GALNT14: variants seen among roughly 807,000 people sequenced by gnomAD.
GALNT14 encodes polypeptide N-acetylgalactosaminyltransferase 14.
In GALNT14, 60 loss-of-function variants were observed where a neutral mutation model predicts 77.5. That is an observed-to-expected ratio of 0.77 (90% CI 0.63 to 0.96). The LOEUF (loss-of-function observed/expected upper bound fraction) is 0.96. Ranked by LOEUF, GALNT14 falls within the 40% of genes least tolerant of loss-of-function variation. GALNT14 has a pLI of 0.00. For missense variants in GALNT14, 710 were observed against 731.0 expected, an observed-to-expected ratio of 0.97 and a Z score of 0.33; for synonymous variants, 280 against 281.7, an observed-to-expected ratio of 0.99 and a Z score of 0.06.
At chr2:31,014,210 T>C (rs982829134) in intron 1 of GALNT14, among the ~76,000 whole-genome samples, 3 of 152,120 alleles carry the variant, frequency 2.0e-5, no homozygotes, top group Admixed American at 6.5e-5. Context: ...TAAATGTCAA[T>C]TAAGAGGAGA....
At position 30,924,309 on chromosome 2, in the gene GALNT14, A is replaced by G. The variant is rs771467524; in HGVS notation, c.1236-46T>C. The G allele has an allele frequency of 1.2e-5, 20 of 1,601,400 alleles. 1 individual carries two copies. The highest frequency in any genetic ancestry group is 1.5e-5 in the Non-Finnish European group (17 of 1,169,088). ...GAGAGGAGAGTCCACTGCTCATTGG[A>G]TTAGCAAGACTACCAGCTGGAGAGG... On this transcript the variant is annotated intron_variant, in intron 12 of 14. Coordinates refer to ENST00000349752, the MANE Select transcript of GALNT14 (RefSeq NM_024572.4).
chr2:31,076,179 T>C (rs1675772923), intron 1 of GALNT14, among the ~76,000 whole-genome samples: 1 of 152,110 alleles, frequency 6.6e-6, no homozygotes, highest in African/African-American at 2.4e-5. Flanking sequence ...ATTTAGTGAG[T>C]TGTCCTACTC....
chr2:31,054,204 A>C (rs755704754), intron 1 of GALNT14, among the ~76,000 whole-genome samples: 5 of 152,216 alleles, frequency 3.3e-5, no homozygotes, highest in Non-Finnish European at 7.3e-5. Context: ...TGTCTGCTTA[A>C]TGGCTGTACT....
intron 7 of GALNT14, 25 bp downstream of exon 7, chr2:30,945,758 G>C (rs1337373394): frequency 1.3e-6 from 2 of 1,566,524 alleles, no homozygotes; most frequent in Non-Finnish European, 1.8e-6. Context: ...ATCCTTACTG[G>C]GGAGGAGGTG....
At chr2:31,091,719 C>G (rs981239856) in intron 1 of GALNT14, among the ~76,000 whole-genome samples, 1 of 152,212 alleles carries the variant, frequency 6.6e-6, no homozygotes, top group Non-Finnish European at 1.5e-5. Flanking sequence ...GCCATCTTCT[C>G]GCTGTTGCCT....
Position 31,043,939 on chromosome 2 carries a change from G to C in GALNT14, c.130-50932C>G, listed in dbSNP as rs917042214. 4.6e-5 allele frequency among the ~76,000 whole-genome samples: 4 copies of C among 86,814 alleles called. No homozygotes were observed. In the Admixed American group the frequency reaches 5.8e-4, roughly 13 times the overall value. The allele number at this position is 86,814 out of a possible 152,430, so 57.0% of individuals were successfully genotyped here. On this transcript the variant is annotated intron_variant, in intron 1 of 14. Coordinates refer to ENST00000349752, the MANE Select transcript of GALNT14 (RefSeq NM_024572.4). ...AGGATGACCAGGGAATGGCCCTGCA[G>C]TTACAGCGTGCTCCCTGCATCCCAG...
intron 2 of GALNT14, among the ~76,000 whole-genome samples, chr2:30,974,984 A>C (rs1573071131): frequency 6.6e-6 from 1 of 152,234 alleles, no homozygotes; most frequent in African/African-American, 2.4e-5. Context: ...ACACCCTCAC[A>C]GGGAGCTCCA....
intron 13 of GALNT14, among the ~76,000 whole-genome samples, chr2:30,922,250 C>A (rs1392220497): frequency 6.6e-6 from 1 of 152,122 alleles, no homozygotes; most frequent in Non-Finnish European, 1.5e-5. Context: ...GAGATCTACA[C>A]CTGCAGATCT....
At chr2:30,977,688 G>A (rs1668721729) in intron 2 of GALNT14, among the ~76,000 whole-genome samples, 1 of 152,044 alleles carries the variant, frequency 6.6e-6, no homozygotes, top group African/African-American at 2.4e-5. Flanking sequence ...CTCAGGAATG[G>A]TCTGTTTGAG....
At chr2:30,920,122 G>A (rs2148219273) in intron 13 of GALNT14, among the ~76,000 whole-genome samples, 1 of 152,266 alleles carries the variant, frequency 6.6e-6, no homozygotes, top group African/African-American at 2.4e-5. Flanking sequence ...TTGTCTAAAA[G>A]AGCTCAGAGC....
intron 1 of GALNT14, among the ~76,000 whole-genome samples, chr2:31,135,072 A>G (rs559094847): frequency 6.6e-6 from 1 of 152,362 alleles, no homozygotes; most frequent in East Asian, 1.9e-4. Flanking sequence ...GGTTAGGTCC[A>G]TAAGCACACT....
rs549536994 is a variant in GALNT14, at chr2:30,910,670, C to T, written c.*231G>A. ...CCAATCAGGGAATGACTGGCCAGGA[C>T]TGGAACTTAACGGCCTTGAGAACAT... On this transcript the variant is annotated 3_prime_UTR_variant, in exon 15 of 15. Coordinates refer to ENST00000349752, the MANE Select transcript of GALNT14 (RefSeq NM_024572.4). The T allele has an allele frequency of 1.4e-5, 7 of 492,296 alleles. No homozygotes were observed. The highest frequency in any genetic ancestry group is 2.5e-5 in the Non-Finnish European group (7 of 278,306). The allele number at this position is 492,296 out of a possible 1,614,324, so 30.5% of individuals were successfully genotyped here. A position where few individuals can be genotyped will look rare whatever the true frequency, so the allele number is the denominator to read the frequency against.
At chr2:31,037,915 C>T (rs1672842356) in intron 1 of GALNT14, among the ~76,000 whole-genome samples, 2 of 151,406 alleles carry the variant, frequency 1.3e-5, no homozygotes, top group Non-Finnish European at 2.9e-5. Context: ...AGATTAGATC[C>T]TTCTTAGGGC....
chr2:31,027,779 A>AT (rs1672155880), intron 1 of GALNT14, among the ~76,000 whole-genome samples: 1 of 152,188 alleles, frequency 6.6e-6, no homozygotes, highest in African/African-American at 2.4e-5. Flanking sequence ...CAGTGTACTC[A>AT]TGTAGACTGT....
chr2:30,956,109 G>T, intron 4 of GALNT14, 132 bp from the exon 5 acceptor site: 2 of 815,930 alleles, frequency 2.5e-6, no homozygotes, highest in Non-Finnish European at 2.1e-6. Flanking sequence ...GCAGAGTGCA[G>T]TCCTGACTCC....
intron 1 of GALNT14, among the ~76,000 whole-genome samples, chr2:31,033,645 C>G (rs757762954): frequency 6.2e-4 from 94 of 152,254 alleles, no homozygotes; most frequent in Middle Eastern, 3.4e-3. Context: ...GACCCTTTGG[C>G]TCCTTCCCTC....
chr2:30,920,283 G>A (rs905756596), intron 13 of GALNT14, among the ~76,000 whole-genome samples: 9 of 152,212 alleles, frequency 5.9e-5, no homozygotes, highest in Non-Finnish European at 1.2e-4. Flanking sequence ...GTATCTGTAC[G>A]ATGGGATAAT....
At chr2:31,032,296 C>T (rs1672465881) in intron 1 of GALNT14, among the ~76,000 whole-genome samples, 1 of 152,176 alleles carries the variant, frequency 6.6e-6, no homozygotes, top group Admixed American at 6.5e-5. Context: ...TACCGCCCAG[C>T]CACTGACATC....
At chr2:31,127,729 TAC>T (rs1678769396) in intron 1 of GALNT14, among the ~76,000 whole-genome samples, 1 of 152,198 alleles carries the variant, frequency 6.6e-6, no homozygotes, top group Non-Finnish European at 1.5e-5. Flanking sequence ...TACCAAAATA[TAC>T]ACTCAATTTT....
Sources: gnomAD v4.1 joint callset for allele counts (sites outside exome capture counted in the v4.1 genomes callset) on GRCh38, gnomAD v4.1.1 for gene constraint, MANE v1.5 for transcripts, NCBI Gene and HGNC (gene_info 2026-07-23, HGNC 2026-07-21) for gene names.